The following RASGRP1 variants were observed in gnomAD, a reference collection of about 807,000 sequenced individuals.
The protein encoded by RASGRP1 is RAS guanyl releasing protein 1.
In RASGRP1, 37 loss-of-function variants were observed where a neutral mutation model predicts 95.1. The ratio of observed to expected loss-of-function variants is 0.39; its 90% CI spans 0.30 to 0.51. The LOEUF is 0.51. Among genes scored for constraint, RASGRP1 ranks in the 20% least tolerant of loss-of-function variants. RASGRP1 has a pLI of 0.80. For synonymous variants in RASGRP1, 325 were observed against 353.4 expected (o/e 0.92, Z 0.90); for missense variants, 711 against 965.4 (o/e 0.74, Z 3.49).
chr15:38,557,498 T>C (rs2141195567), intron 2 of RASGRP1, among the ~76,000 whole-genome samples: 1 of 152,300 alleles, frequency 6.6e-6, no homozygotes, highest in South Asian at 2.1e-4. Context: ...CTCCTTGACC[T>C]ATGTCCTCAC....
rs7170151 is a variant in RASGRP1, at chr15:38,554,477, C to T, written c.220+5344G>A. 0.4 allele frequency among the ~76,000 whole-genome samples: 60,074 copies of T among 151,930 alleles called. 13,721 individuals carry two copies. The highest frequency in any genetic ancestry group is 0.62 in the African/African-American group (25,735 of 41,386). ...AATTCCTGAGACACTGTCTAACTTA[C>T]GCATAAGCATTGCCTCTGTTCTCTA... On this transcript the variant is annotated intron_variant, in intron 2 of 16. Transcript: ENST00000310803.
At chr15:38,550,242 CA>C (rs56383365) in intron 2 of RASGRP1, among the ~76,000 whole-genome samples, 1,485 of 89,004 alleles carry the variant, frequency 0.017, 9 homozygotes, top group Non-Finnish European at 0.024. Context: ...ACTCTGTCGC[CA>C]AAAAAAAAAA....
intron 2 of RASGRP1, among the ~76,000 whole-genome samples, chr15:38,542,227 A>G (rs1424476166): frequency 2.0e-5 from 3 of 152,106 alleles, no homozygotes; most frequent in Non-Finnish European, 4.4e-5. Flanking sequence ...AAAAATAACA[A>G]CAAAAGCAGA....
chr15:38,559,662 T>C (rs1893725519), intron 2 of RASGRP1, among the ~76,000 whole-genome samples, 159 bp downstream of exon 2: 1 of 152,248 alleles, frequency 6.6e-6, no homozygotes, highest in Non-Finnish European at 1.5e-5. Flanking sequence ...CACATAGTCA[T>C]GTGCCATAGG....
chr15:38,537,349 T>C (rs1260678570), intron 2 of RASGRP1, among the ~76,000 whole-genome samples: 1 of 152,146 alleles, frequency 6.6e-6, no homozygotes, highest in Admixed American at 6.5e-5. Flanking sequence ...CTCAGGAAGC[T>C]TACAATCATG....
At position 38,511,690 on chromosome 15, in the gene RASGRP1, G is replaced by T; in HGVS notation, c.880C>A (p.Leu294Met). Reference sequence around the variant, plus strand: ...CACAGCCCACCTATCACAGCCATCAGTGTATTGAAGTTCTGTAGTTGGTGG... The same window carrying T: ...CACAGCCCACCTATCACAGCCATCATTGTATTGAAGTTCTGTAGTTGGTGG... The part of the protein sequence containing the change: ...KLHQLQNFNT[L>M]MAVIGGLCHS... The change falls in exon 8 of 17, where the codon CTG becomes ATG. Residue 294 changes from leucine to methionine, a missense_variant. Coordinates refer to ENST00000310803, the MANE Select transcript of RASGRP1 (RefSeq NM_005739.4). 6.2e-7 allele frequency: 1 copy of T among 1,613,632 alleles called. No homozygotes were observed.
intron 7 of RASGRP1, 119 bp downstream of exon 7, chr15:38,512,660 TCCAC>T: frequency 8.2e-7 from 1 of 1,212,548 alleles, no homozygotes; most frequent in Non-Finnish European, 1.1e-6. Flanking sequence ...CACAAACCTC[TCCAC>T]CCCCTCGCCA....
intron 2 of RASGRP1, among the ~76,000 whole-genome samples, chr15:38,543,890 T>C (rs1485638338): frequency 6.6e-6 from 1 of 152,096 alleles, no homozygotes; most frequent in African/African-American, 2.4e-5. Flanking sequence ...CATCTCTGAG[T>C]TCATTTCTAT....
At chr15:38,523,796 G>T (rs1892088446) in intron 3 of RASGRP1, among the ~76,000 whole-genome samples, 1 of 152,110 alleles carries the variant, frequency 6.6e-6, no homozygotes, top group Non-Finnish European at 1.5e-5. Context: ...ACAGTATTCA[G>T]TACAGTAACC....
At chr15:38,544,846 A>T (rs1893047514) in intron 2 of RASGRP1, among the ~76,000 whole-genome samples, 1 of 152,242 alleles carries the variant, frequency 6.6e-6, no homozygotes, top group African/African-American at 2.4e-5. Context: ...TTAACCTCAC[A>T]TCTTTTTATT....
chr15:38,518,912 A>C (rs1367022271), intron 4 of RASGRP1, among the ~76,000 whole-genome samples: 6 of 152,244 alleles, frequency 3.9e-5, no homozygotes, highest in Non-Finnish European at 5.9e-5. Flanking sequence ...CATCTCAAAA[A>C]AATTGACATG....
chr15:38,520,633 A>G (rs1259660958), intron 3 of RASGRP1, among the ~76,000 whole-genome samples: 1 of 152,220 alleles, frequency 6.6e-6, no homozygotes, highest in East Asian at 1.9e-4. Context: ...AGATAATGAT[A>G]GCTTTACTGT....
chr15:38,557,717 C>A (rs1269928439), intron 2 of RASGRP1, among the ~76,000 whole-genome samples: 3 of 151,654 alleles, frequency 2.0e-5, no homozygotes, highest in African/African-American at 7.3e-5. Context: ...TGTAATTCTT[C>A]TTGAGCACTG....
intron 6 of RASGRP1, among the ~76,000 whole-genome samples, chr15:38,515,777 C>A (rs1891734789): frequency 7.0e-6 from 1 of 142,140 alleles, no homozygotes; most frequent in Admixed American, 7.2e-5. Context: ...CCCGCCCCCG[C>A]ACCCCCCCCC....
intron 3 of RASGRP1, among the ~76,000 whole-genome samples, chr15:38,525,551 T>C (rs1892184619): frequency 6.6e-6 from 1 of 152,184 alleles, no homozygotes; most frequent in African/African-American, 2.4e-5. Flanking sequence ...GAGAAGGGAT[T>C]CAGTCCTGAT....
At chr15:38,507,657 G>T in intron 9 of RASGRP1, 69 bp downstream of exon 9, 1 of 1,473,526 alleles carries the variant, frequency 6.8e-7, no homozygotes, top group South Asian at 1.3e-5. Flanking sequence ...CTAATATTTG[G>T]TAAGGGGTAT....
At chr15:38,560,378 A>G (rs955127805) in intron 1 of RASGRP1, 1 of 262,120 alleles carries the variant, frequency 3.8e-6, no homozygotes, top group Admixed American at 5.1e-5. Context: ...AATTATTTAC[A>G]TTGGTTTCTT....
At chr15:38,509,343 A>G (rs2141107606) in intron 8 of RASGRP1, among the ~76,000 whole-genome samples, 1 of 152,354 alleles carries the variant, frequency 6.6e-6, no homozygotes, top group East Asian at 1.9e-4. Flanking sequence ...CAAGACGGCT[A>G]CTTAGTGACT....
intron 1 of RASGRP1, among the ~76,000 whole-genome samples, chr15:38,561,833 T>C (rs1333461138): frequency 6.6e-6 from 1 of 152,224 alleles, no homozygotes; most frequent in African/African-American, 2.4e-5. Context: ...CTGGCCATAA[T>C]TGATTTTCAA....
Sources: gnomAD v4.1 joint callset for allele counts (sites outside exome capture counted in the v4.1 genomes callset) on GRCh38, gnomAD v4.1.1 for gene constraint, MANE v1.5 for transcripts, NCBI Gene and HGNC (gene_info 2026-07-23, HGNC 2026-07-21) for gene names.